The following PGM1 variants were observed in gnomAD, a reference collection of about 807,000 sequenced individuals.
The protein encoded by PGM1 is phosphoglucomutase 1.
A neutral mutation model predicts 55.6 loss-of-function variants in PGM1; 52 were observed. That is an observed-to-expected ratio of 0.94 (90% CI 0.75 to 1.18). The LOEUF is 1.18. Ranked by LOEUF, PGM1 falls within the 50% of genes most tolerant of loss-of-function variation. The pLI is 0.00. For synonymous variants in PGM1, 287 were observed against 271.7 expected, an observed-to-expected ratio of 1.06 and a Z score of -0.55; for missense variants, 724 against 729.3, an observed-to-expected ratio of 0.99 and a Z score of 0.08.
chr1:63,631,927 C>G (rs1649207972), intron 4 of PGM1, 145 bp downstream of exon 4: 1 of 810,412 alleles, frequency 1.2e-6, no homozygotes, highest in Admixed American at 2.0e-5. Context: ...GAGCAATATT[C>G]ACACAGATAA....
intron 4 of PGM1, among the ~76,000 whole-genome samples, chr1:63,633,588 G>A (rs1192708512): frequency 6.6e-6 from 1 of 152,086 alleles, no homozygotes; most frequent in African/African-American, 2.4e-5. Context: ...AGAGATGCGT[G>A]TTCTTGGTAG....
chr1:63,599,236 G>A, intron 1 of PGM1, among the ~76,000 whole-genome samples: 1 of 152,006 alleles, frequency 6.6e-6, no homozygotes, highest in Non-Finnish European at 1.5e-5. Context: ...CAGGATCTTG[G>A]CTCACTGTAA....
Position 63,642,591 on chromosome 1 carries a change from T to C in PGM1, c.1144+3791T>C, listed in dbSNP as rs537609016. On this transcript the variant is annotated intron_variant, in intron 7 of 10. Coordinates refer to ENST00000371084, the MANE Select transcript of PGM1 (RefSeq NM_002633.3). Reference sequence around the variant, plus strand: ...AGTCACTGAATAGTATACAATACCATGCATTTGAACCCTTCCTCAGGAAAA... The same window carrying C: ...AGTCACTGAATAGTATACAATACCACGCATTTGAACCCTTCCTCAGGAAAA... Among the ~76,000 whole-genome samples the C allele has an allele frequency of 9.9e-5, 15 of 152,280 alleles. No homozygotes were observed. In the East Asian group the frequency reaches 2.9e-3, roughly 29 times the overall value.
chr1:63,658,445 T>C (rs970772527), intron 10 of PGM1, among the ~76,000 whole-genome samples: 7 of 151,434 alleles, frequency 4.6e-5, no homozygotes, highest in Non-Finnish European at 8.8e-5. Context: ...GGAGGGGTTG[T>C]TGCATTTTTA....
intron 1 of PGM1, among the ~76,000 whole-genome samples, chr1:63,626,080 G>A (rs1349315362): frequency 6.6e-6 from 1 of 152,158 alleles, no homozygotes; most frequent in Non-Finnish European, 1.5e-5. Flanking sequence ...ACCCATTTTG[G>A]TGGGGAGGCG....
At chr1:63,602,662 T>C (rs981053517) in intron 1 of PGM1, among the ~76,000 whole-genome samples, 5 of 152,048 alleles carry the variant, frequency 3.3e-5, no homozygotes, top group African/African-American at 1.2e-4. Flanking sequence ...ATTGTGTGAG[T>C]CCGGAGGGCT....
chr1:63,595,756 C>T (rs76411783), intron 1 of PGM1, among the ~76,000 whole-genome samples: 2,457 of 152,186 alleles, frequency 0.016, 42 homozygotes, highest in Non-Finnish European at 0.028. Flanking sequence ...CCTTAAGGAG[C>T]TTACAGCAGA....
chr1:63,654,335 T>G lies in PGM1; in HGVS notation c.1468T>G (p.Leu490Val). Reference protein sequence around the residue: ...VDGSISRNQGLRLIFTDGSRI... With the variant: ...VDGSISRNQGVRLIFTDGSRI... ...AATCTCTGCTTATCTTTTCCAGGGC[T>G]TGCGCCTCATTTTCACAGATGGTTC... The change falls in exon 10 of 11, where the codon TTG becomes GTG. Residue 490 changes from leucine to valine, a missense_variant. This residue lies in a region of PGM1 where 316 missense variants were observed against 313.1 expected (regional missense o/e 1.01). Coordinates refer to ENST00000371084, the MANE Select transcript of PGM1 (RefSeq NM_002633.3). 6.2e-7 allele frequency: 1 copy of G among 1,613,952 alleles called. No individual in the cohort carries two copies. Among genetic ancestry groups the G allele is most frequent in the Non-Finnish European group, 8.5e-7 (1 of 1,179,834 alleles).
Position 63,654,391 on chromosome 1 carries a change from G to T in PGM1, c.1524G>T (p.Gly508=). 1.2e-6 allele frequency: 2 copies of T among 1,612,840 alleles called. No individual in the cohort carries two copies. Among genetic ancestry groups the T allele is most frequent in the Non-Finnish European group, 1.7e-6 (2 of 1,178,822 alleles). Reference sequence around the variant, plus strand: ...TCGTCTTCCGACTGAGCGGCACTGGGAGTGCCGGGGCCACCATTCGGCTGT... The same window carrying T: ...TCGTCTTCCGACTGAGCGGCACTGGTAGTGCCGGGGCCACCATTCGGCTGT... ...SRIVFRLSGT[G]SAGATIRLYI... The change falls in exon 10 of 11, where the codon GGG becomes GGT. Residue 508 remains glycine, a synonymous_variant. Transcript: ENST00000371084.
intron 1 of PGM1, among the ~76,000 whole-genome samples, chr1:63,614,353 T>A (rs887707744): frequency 6.6e-6 from 1 of 152,142 alleles, no homozygotes; most frequent in African/African-American, 2.4e-5. Context: ...TTCCTAAACT[T>A]TTTAAGGAAA....
At chr1:63,645,533 T>C (rs1043861445) in intron 7 of PGM1, among the ~76,000 whole-genome samples, 4 of 152,142 alleles carry the variant, frequency 2.6e-5, no homozygotes, top group Non-Finnish European at 4.4e-5. Flanking sequence ...CCAAAACATA[T>C]CATTTGCAAA....
chr1:63,603,219 T>C (rs1648291760), intron 1 of PGM1, among the ~76,000 whole-genome samples: 1 of 152,218 alleles, frequency 6.6e-6, no homozygotes, highest in Non-Finnish European at 1.5e-5. Flanking sequence ...ACCTTTCAGG[T>C]GTCCCAGGTC....
At chr1:63,652,228 T>C (rs1231738826) in intron 9 of PGM1, among the ~76,000 whole-genome samples, 1 of 152,168 alleles carries the variant, frequency 6.6e-6, no homozygotes, top group East Asian at 1.9e-4. Context: ...CTCTCTTTTC[T>C]GTCAGCAGAT....
At chr1:63,601,852 C>G (rs1035341253) in intron 1 of PGM1, among the ~76,000 whole-genome samples, 1 of 152,278 alleles carries the variant, frequency 6.6e-6, no homozygotes, top group South Asian at 2.1e-4. Flanking sequence ...TGAGCTGATT[C>G]CCCAAGGCAT....
At chr1:63,616,272 A>G (rs1463070098) in intron 1 of PGM1, among the ~76,000 whole-genome samples, 2 of 152,238 alleles carry the variant, frequency 1.3e-5, no homozygotes, top group African/African-American at 4.8e-5. Flanking sequence ...AAATGTTTGA[A>G]TATGGGTCAT....
chr1:63,600,121 AC>A (rs1205647549), intron 1 of PGM1: 1 of 152,218 alleles, frequency 6.6e-6, no homozygotes, highest in Non-Finnish European at 1.5e-5. Context: ...CAGGAAGGGG[AC>A]CTGCCGAGAG....
intron 7 of PGM1, among the ~76,000 whole-genome samples, chr1:63,647,211 C>A (rs1557441246): frequency 7.1e-6 from 1 of 140,632 alleles, no homozygotes; most frequent in Non-Finnish European, 1.5e-5. Context: ...CCACTTTACT[C>A]CAGCCTGGGC....
chr1:63,595,105 T>A (rs1038033659), intron 1 of PGM1, among the ~76,000 whole-genome samples: 1 of 152,248 alleles, frequency 6.6e-6, no homozygotes, highest in Non-Finnish European at 1.5e-5. Context: ...CCAATTCTTC[T>A]GGAACGCATC....
chr1:63,618,493 T>C (rs1374019364), intron 1 of PGM1, among the ~76,000 whole-genome samples: 1 of 152,232 alleles, frequency 6.6e-6, no homozygotes, highest in Admixed American at 6.5e-5. Flanking sequence ...CCCACATTTC[T>C]TAAATGTATT....
Sources: gnomAD v4.1 joint callset for allele counts (sites outside exome capture counted in the v4.1 genomes callset) on GRCh38, gnomAD v4.1.1 for gene constraint, gnomAD v4.1.1 regional missense constraint, MANE v1.5 for transcripts, NCBI Gene and HGNC (gene_info 2026-07-23, HGNC 2026-07-21) for gene names.